Variants in RAC1 observed in about 807,000 individuals in gnomAD.
RAC1 encodes ras-related C3 botulinum toxin substrate 1.
RAC1 carries 2 observed loss-of-function variants against 25.2 expected under a neutral mutation model. That is an observed-to-expected ratio of 0.08 (90% CI 0.03 to 0.25). The LOEUF is 0.25. Ranked by LOEUF, RAC1 falls within the 10% of genes least tolerant of loss-of-function variation. RAC1 has a pLI of 1.00. For synonymous variants in RAC1, 88 were observed against 94.0 expected, an observed-to-expected ratio of 0.94 and a Z score of 0.37; for missense variants, 50 against 235.7, an observed-to-expected ratio of 0.21 and a Z score of 5.16.
intron 4 of RAC1, 93 bp from the exon 5 acceptor site, chr7:6,401,775 T>C: frequency 7.3e-7 from 1 of 1,377,350 alleles, no homozygotes; most frequent in Non-Finnish European, 1.0e-6. Flanking sequence ...TGAGGTTAGG[T>C]GTCTGGCATG....
chr7:6,387,141 T>G, intron 1 of RAC1, 71 bp from the exon 2 acceptor site: 1 of 1,010,166 alleles, frequency 9.9e-7, no homozygotes, highest in Non-Finnish European at 1.5e-6. Flanking sequence ...CTAGAAATTA[T>G]TTTAACTTAA....
intron 1 of RAC1, among the ~76,000 whole-genome samples, chr7:6,385,899 C>G (rs1435669824): frequency 6.6e-6 from 1 of 152,208 alleles, no homozygotes; most frequent in Non-Finnish European, 1.5e-5. Flanking sequence ...TAACTGAACC[C>G]TCAGGATGCC....
chr7:6,383,958 G>A (rs933898029), intron 1 of RAC1, among the ~76,000 whole-genome samples: 7 of 150,928 alleles, frequency 4.6e-5, no homozygotes, highest in East Asian at 1.9e-4. Flanking sequence ...ATGCACGCCC[G>A]GCTAATTTTG....
At chr7:6,381,277 C>G (rs1324114871) in intron 1 of RAC1, among the ~76,000 whole-genome samples, 1 of 152,124 alleles carries the variant, frequency 6.6e-6, no homozygotes, top group Non-Finnish European at 1.5e-5. Context: ...AGCCTTGATT[C>G]TGGAAGGGTG....
rs1783005179 is a variant in RAC1, at chr7:6,388,998, C to T, written c.107+1715C>T. Among the ~76,000 whole-genome samples, 4 of 150,694 alleles carry T rather than the reference C, an allele frequency of 2.7e-5. No individual in the cohort carries two copies. The South Asian group carries it at 6.3e-4, about 24-fold the overall frequency. Reference sequence around the variant, plus strand: ...GAAGGATCACTTGAGGTCAGGAGTTCGAGACCAACCTGGCCAACATGTTAA... The same window carrying T: ...GAAGGATCACTTGAGGTCAGGAGTTTGAGACCAACCTGGCCAACATGTTAA... On this transcript the variant is annotated intron_variant, in intron 2 of 5. Coordinates refer to ENST00000348035, the MANE Select transcript of RAC1 (RefSeq NM_006908.5).
At chr7:6,378,181 T>G (rs994182329) in intron 1 of RAC1, among the ~76,000 whole-genome samples, 3 of 152,050 alleles carry the variant, frequency 2.0e-5, no homozygotes, top group Admixed American at 1.3e-4. Context: ...TGAAAATCTC[T>G]ATTTCAATCT....
At chr7:6,377,019 C>G (rs1782623353) in intron 1 of RAC1, among the ~76,000 whole-genome samples, 1 of 151,974 alleles carries the variant, frequency 6.6e-6, no homozygotes, top group African/African-American at 2.4e-5. Flanking sequence ...CCCCACCTCC[C>G]AAGAGAGGCG....
At chr7:6,383,364 T>C (rs1480644030) in intron 1 of RAC1, among the ~76,000 whole-genome samples, 3 of 152,264 alleles carry the variant, frequency 2.0e-5, no homozygotes, top group Non-Finnish European at 2.9e-5. Flanking sequence ...AGTAAAAGTT[T>C]TAATCAGAAG....
intron 3 of RAC1, among the ~76,000 whole-genome samples, chr7:6,393,660 G>A (rs984605732): frequency 2.0e-5 from 3 of 152,356 alleles, no homozygotes; most frequent in East Asian, 1.9e-4. Flanking sequence ...CTCTGTGTGA[G>A]ACTGTGGACT....
chr7:6,385,857 G>T (rs1398912824), intron 1 of RAC1, among the ~76,000 whole-genome samples: 1 of 152,228 alleles, frequency 6.6e-6, no homozygotes, highest in Non-Finnish European at 1.5e-5. Flanking sequence ...CAGCACAGCA[G>T]AGAGAAGGGC....
intron 1 of RAC1, among the ~76,000 whole-genome samples, chr7:6,380,809 G>T (rs538099133): frequency 2.0e-5 from 3 of 152,138 alleles, no homozygotes; most frequent in African/African-American, 7.2e-5. Flanking sequence ...ATGTCTTCCT[G>T]TTATCAGAGG....
intron 3 of RAC1, among the ~76,000 whole-genome samples, chr7:6,398,445 C>A (rs1278322810): frequency 6.6e-6 from 1 of 152,230 alleles, no homozygotes; most frequent in East Asian, 1.9e-4. Context: ...TGACCTCTGT[C>A]TTCACCATCG....
chr7:6,385,216 C>T (rs1250783279), intron 1 of RAC1, among the ~76,000 whole-genome samples: 1 of 152,174 alleles, frequency 6.6e-6, no homozygotes, highest in Non-Finnish European at 1.5e-5. Flanking sequence ...TGATTGCATT[C>T]TTAATTTTTA....
rs1562472234 is a variant in RAC1 at position 6,403,437 on chromosome 7, A to G, written c.*991A>G. On this transcript the variant is annotated 3_prime_UTR_variant, in exon 6 of 6. Coordinates refer to ENST00000348035, the MANE Select transcript of RAC1 (RefSeq NM_006908.5). The stretch of plus-strand genomic sequence containing the variant: ...TTATAGAACCCCTTCTGACTGAGCA[A>G]TATGCCTCCTTGTATTATAAAATCT... 1 of 215,158 alleles carries G rather than the reference A, an allele frequency of 4.6e-6. No homozygotes were observed. The highest frequency in any genetic ancestry group is 9.4e-6 in the Non-Finnish European group (1 of 106,456). The allele number at this position is 215,158 out of a possible 1,614,324, so 13.3% of individuals were successfully genotyped here. A position where few individuals can be genotyped will look rare whatever the true frequency, so the allele number is the denominator to read the frequency against.
rs1475321558 is a variant in RAC1 at position 6,400,267 on chromosome 7, C to T, written c.288+79C>T. 12 of 1,357,610 alleles carry T rather than the reference C, an allele frequency of 8.8e-6. 1 individual carries two copies. The allele number at this position is 1,357,610 out of a possible 1,614,324, so 84.1% of individuals were successfully genotyped here. A position where few individuals can be genotyped will look rare whatever the true frequency, so the allele number is the denominator to read the frequency against. ...TAAATACTTTAAAATATCACTTAGC[C>T]TAGGAATTTTTAGTTATTTAAATTG... On this transcript the variant is annotated intron_variant, in intron 4 of 5. Coordinates refer to ENST00000348035, the MANE Select transcript of RAC1 (RefSeq NM_006908.5).
In RAC1 at chr7:6,392,019, G is replaced by A. The variant is rs2115201415; in HGVS notation, c.203G>A (p.Arg68His). The change falls in exon 3 of 6, where the codon CGC becomes CAC. Residue 68 changes from arginine to histidine, a missense_variant. Arg to His is a conservative substitution (Grantham distance 29, BLOSUM62 0). Transcript: ENST00000348035. ...TAGQEDYDRLRPLSYPQTDVF... is the reference protein window; with the variant it reads ...TAGQEDYDRLHPLSYPQTDVF... ...GGACAAGAAGATTATGACAGATTAC[G>A]CCCCCTATCCTATCCGCAAACAGTA... 1 of 1,614,116 alleles carries A rather than the reference G, an allele frequency of 6.2e-7. No homozygotes were observed. Among genetic ancestry groups the A allele is most frequent in the Non-Finnish European group, 8.5e-7 (1 of 1,180,016 alleles).
At chr7:6,376,389 G>T (rs940823504) in intron 1 of RAC1, among the ~76,000 whole-genome samples, 1 of 151,644 alleles carries the variant, frequency 6.6e-6, no homozygotes, top group Non-Finnish European at 1.5e-5. Context: ...TCACCATGTT[G>T]GCCTGGCTGG....
chr7:6,384,700 G>T (rs996315930), intron 1 of RAC1, among the ~76,000 whole-genome samples: 1 of 152,012 alleles, frequency 6.6e-6, no homozygotes, highest in Non-Finnish European at 1.5e-5. Flanking sequence ...TGAACTCCTG[G>T]GCTCAGCGAT....
intron 3 of RAC1, among the ~76,000 whole-genome samples, chr7:6,399,651 A>C (rs1281989976): frequency 6.6e-6 from 1 of 152,220 alleles, no homozygotes; most frequent in African/African-American, 2.4e-5. Flanking sequence ...TGTGGAGGGA[A>C]GGGCTCAAGT....
Sources: allele counts gnomAD v4.1 joint callset (sites outside exome capture counted in the v4.1 genomes callset), GRCh38; gene constraint gnomAD v4.1.1; transcripts MANE v1.5; gene names NCBI Gene and HGNC (gene_info 2026-07-23, HGNC 2026-07-21).